MSH6: variants seen among roughly 807,000 people sequenced by gnomAD.
MSH6 encodes DNA mismatch repair protein Msh6.
Under a neutral mutation model 119.1 loss-of-function variants are expected in MSH6, and 85 were observed. The ratio of observed to expected loss-of-function variants is 0.71; its 90% CI spans 0.60 to 0.85. MSH6 has a LOEUF of 0.85. MSH6 is among the 40% of genes least tolerant of loss of function. MSH6 has a pLI of 0.00. For synonymous variants in MSH6, 830 were observed against 586.9 expected (o/e 1.41, Z -5.99); for missense variants, 2,163 against 1,655.3 (o/e 1.31, Z -5.32).
At chr2:47,810,048 G>C, downstream of MSH6, 2 of 494,590 alleles carry the variant, frequency 4.0e-6, no homozygotes, top group Non-Finnish European at 7.1e-6. Flanking sequence ...TGTATTCCTA[G>C]TGGTAATACA....
downstream of MSH6, chr2:47,808,997 A>G (rs1487682526): frequency 4.4e-5 from 23 of 526,538 alleles, no homozygotes; most frequent in Non-Finnish European, 7.7e-5. Flanking sequence ...ACGCCTACCC[A>G]CAGTTACAGT....
rs587779314 is a variant in MSH6, at chr2:47,796,039, G to A, written c.603G>A (p.Glu201=). ...LELAVCDEPS[E]PEEEEEMEVG... The stretch of plus-strand genomic sequence containing the variant: ...TGGCAGTTTGTGATGAGCCCTCAGA[G>A]CCAGAAGAGGAAGAAGAGATGGAGG... The change falls in exon 3 of 10, where the codon GAG becomes GAA. Residue 201 remains glutamate, a synonymous_variant. Coordinates refer to ENST00000234420, the MANE Select transcript of MSH6 (RefSeq NM_000179.3). 1 of 1,614,114 alleles carries A rather than the reference G, an allele frequency of 6.2e-7. No individual in the cohort carries two copies. The highest frequency in any genetic ancestry group is 8.5e-7 in the Non-Finnish European group (1 of 1,180,010).
intron 6 of MSH6, 26 bp downstream of exon 6, chr2:47,805,053 T>A (rs371393411): frequency 6.9e-7 from 1 of 1,446,160 alleles, no homozygotes; most frequent in Middle Eastern, 1.7e-4. Context: ...CCCACTTAAG[T>A]TCTCATTCAG....
intron 5 of MSH6, 74 bp from the exon 6 acceptor site, chr2:47,804,836 G>T: frequency 8.9e-7 from 1 of 1,124,168 alleles, no homozygotes; most frequent in Non-Finnish European, 1.4e-6. Context: ...TTACGTAAGG[G>T]TTCATAAGAA....
In MSH6 at chr2:47,806,841, C is replaced by G. The variant is rs863224627; in HGVS notation, c.4064C>G (p.Thr1355Ser). 3.7e-6 allele frequency: 6 copies of G among 1,609,344 alleles called. No homozygotes were observed. The highest frequency in any genetic ancestry group is 1.7e-5 in the Admixed American group (1 of 59,608). ...GCTGAAGCTGTCCATAAATTGCTGA[C>G]TTTGATTAAGGAATTATAGACTGAC... ...VDAEAVHKLL[T>S]LIKEL Residue 1355 changes from threonine (T) to serine (S), a missense_variant, in exon 10 of 10, where the codon ACT (threonine) becomes AGT (serine). Physicochemically the swap from Thr to Ser is moderately conservative, Grantham distance 58. Coordinates refer to ENST00000234420, the MANE Select transcript of MSH6 (RefSeq NM_000179.3).
intron 2 of MSH6, 143 bp from the exon 3 acceptor site, chr2:47,795,751 G>C: frequency 1.4e-6 from 1 of 734,754 alleles, no homozygotes; most frequent in South Asian, 1.6e-5. Flanking sequence ...GATTACAGGC[G>C]TGAGCCACCA....
chr2:47,784,194 G>GGGGCC (rs1668205221), intron 1 of MSH6: 3 of 1,005,134 alleles, frequency 3.0e-6, no homozygotes, highest in South Asian at 9.3e-5. Context: ...TGGGCGGGGC[G>GGGGCC]GGGCCGTGGG....
chr2:47,808,720 A>T, downstream of MSH6: 1 of 340,194 alleles, frequency 2.9e-6, no homozygotes, highest in Non-Finnish European at 5.3e-6. Flanking sequence ...AGGCGTGAAG[A>T]GTCAAAACTG....
chr2:47,798,775 A>G lies in MSH6; in HGVS notation c.792A>G (p.Glu264=). ...SESDIGGSDV[E]FKPDTKEEGS... Reference sequence around the variant, plus strand: ...GTGACATTGGTGGCTCTGATGTGGAATTTAAGCCAGACACTAAGGAGGAAG... The same window carrying G: ...GTGACATTGGTGGCTCTGATGTGGAGTTTAAGCCAGACACTAAGGAGGAAG... The change falls in exon 4 of 10, where the codon GAA becomes GAG. Residue 264 remains glutamate (E), a synonymous_variant. Coordinates refer to ENST00000234420, the MANE Select transcript of MSH6 (RefSeq NM_000179.3). The G allele has an allele frequency of 6.2e-7, 1 of 1,614,200 alleles. No individual in the cohort carries two copies. Among genetic ancestry groups the G allele is most frequent in the Non-Finnish European group, 8.5e-7 (1 of 1,180,036 alleles).
intron 1 of MSH6, among the ~76,000 whole-genome samples, chr2:47,787,249 C>T (rs574180534): frequency 6.6e-6 from 1 of 152,242 alleles, no homozygotes; most frequent in African/African-American, 2.4e-5. Context: ...AGAGATCATG[C>T]CATGCACTCC....
At chr2:47,789,740 C>A (rs1208925126) in intron 1 of MSH6, among the ~76,000 whole-genome samples, 2 of 152,178 alleles carry the variant, frequency 1.3e-5, no homozygotes, top group African/African-American at 4.8e-5. Context: ...TTCCCCTGTA[C>A]TTTATCTCTA....
At chr2:47,784,199 C>A in intron 1 of MSH6, 2 of 1,003,868 alleles carry the variant, frequency 2.0e-6, no homozygotes, top group Middle Eastern at 4.9e-4. Context: ...GGGGCGGGGC[C>A]GTGGGGAGCC....
At chr2:47,806,700 A>C in intron 9 of MSH6, 49 bp downstream of exon 9, 1 of 1,583,588 alleles carries the variant, frequency 6.3e-7, no homozygotes, top group South Asian at 1.1e-5. Context: ...CTTAAGTTTC[A>C]AAGAAACAGT....
rs786201910 is a variant in MSH6, at chr2:47,783,447, C to T, written c.214C>T (p.Leu72Phe). The change falls in exon 1 of 10, where the codon CTC (leucine) becomes TTC (phenylalanine). Residue 72 changes from leucine to phenylalanine, a missense_variant. Physicochemically the swap from Leu to Phe is conservative, Grantham distance 22. Transcript: ENST00000234420. ...RSASPPKAKN[L>F]NGGLRRSVAP... ...CGCGTCACCGCCCAAGGCGAAGAAC[C>T]TCAACGGAGGGCTGCGGAGATCGGT... 1.3e-6 allele frequency: 2 copies of T among 1,491,280 alleles called. No homozygotes were observed. The highest frequency in any genetic ancestry group is 1.8e-6 in the Non-Finnish European group (2 of 1,122,546). The allele number at this position is 1,491,280 out of a possible 1,614,324, so 92.4% of individuals were successfully genotyped here.
intron 7 of MSH6, 145 bp from the exon 8 acceptor site, chr2:47,806,059 T>C: frequency 1.2e-6 from 1 of 802,766 alleles, no homozygotes; most frequent in Non-Finnish European, 2.1e-6. Context: ...CAGACTCGTG[T>C]AGCTAAACAA....
In MSH6 at chr2:47,799,189, C is replaced by T. The variant is rs779504190; in HGVS notation, c.1206C>T (p.Phe402=). The T allele has an allele frequency of 1.9e-6, 3 of 1,614,166 alleles. No homozygotes were observed. Among genetic ancestry groups the T allele is most frequent in the African/African-American group, 1.3e-5 (1 of 75,046 alleles). The change falls in exon 4 of 10, where the codon TTC becomes TTT. Residue 402 remains phenylalanine (F), a synonymous_variant. Coordinates refer to ENST00000234420, the MANE Select transcript of MSH6 (RefSeq NM_000179.3). ...CTACACTCTATGTGCCTGAGGATTT[C>T]CTCAATTCTTGTACTCCTGGGATGA... ...DASTLYVPED[F]LNSCTPGMRK... is the part of the protein sequence containing the mutation.
chr2:47,809,688 G>A (rs757286262), downstream of MSH6: 9 of 1,612,766 alleles, frequency 5.6e-6, no homozygotes, highest in African/African-American at 4.0e-5. Flanking sequence ...TTGCAGTTGC[G>A]TGATTTGTAA....
intron 5 of MSH6, 62 bp from the exon 6 acceptor site, chr2:47,804,848 G>A: frequency 3.1e-6 from 4 of 1,299,290 alleles, no homozygotes; most frequent in Admixed American, 1.7e-5. Flanking sequence ...TCATAAGAAA[G>A]ACAAAAGTTT....
chr2:47,784,028 C>T (rs948265177), intron 1 of MSH6: 5 of 1,019,510 alleles, frequency 4.9e-6, no homozygotes, highest in African/African-American at 3.4e-5. Context: ...CTCCAGTAGT[C>T]GATCGAGGTA....
Sources: allele counts gnomAD v4.1 joint callset (sites outside exome capture counted in the v4.1 genomes callset), GRCh38; gene constraint gnomAD v4.1.1; transcripts MANE v1.5; gene names NCBI Gene and HGNC (gene_info 2026-07-23, HGNC 2026-07-21).